Variants in EYS observed in about 807,000 individuals in gnomAD.
EYS encodes the protein EGF-like photoreceptor maintenance factor, also known as protein eyes shut homolog.
A neutral mutation model predicts 282.1 loss-of-function variants in EYS; 250 were observed. That is an observed-to-expected ratio of 0.89 (90% CI 0.80 to 0.98). The LOEUF is 0.98. EYS is among the 50% of genes least tolerant of loss of function. The pLI, the probability that EYS is intolerant of heterozygous loss-of-function variation, is 0.00. For missense variants in EYS, 4,016 were observed against 3,709.0 expected (o/e 1.08, Z -2.15); for synonymous variants, 1,355 against 1,282.9 (o/e 1.06, Z -1.20).
chr6:64,608,707 A>G (rs939304661), intron 24 of EYS, among the ~76,000 whole-genome samples: 1 of 152,214 alleles, frequency 6.6e-6, no homozygotes, highest in Non-Finnish European at 1.5e-5. Context: ...ACATCTGGAC[A>G]ATGGAACATT....
intron 1 of EYS, among the ~76,000 whole-genome samples, chr6:65,660,088 A>C (rs982647623): frequency 1.3e-5 from 2 of 150,722 alleles, no homozygotes; most frequent in African/African-American, 4.9e-5. Context: ...CTTATTAAAA[A>C]TTTATTCAGA....
Position 64,928,126 on chromosome 6 carries a change from A to T in EYS, c.2382-15383T>A, listed in dbSNP as rs368312229. ...TGTGTAATCACAATAAAAAATGTCCAAAAGCTATTGAATACCTTATGAAAA... is the reference window on the plus strand; with the variant it reads ...TGTGTAATCACAATAAAAAATGTCCTAAAGCTATTGAATACCTTATGAAAA... On this transcript the variant is annotated intron_variant, in intron 15 of 42. Coordinates refer to ENST00000503581, the MANE Select transcript of EYS (RefSeq NM_001142800.2). Among the ~76,000 whole-genome samples the T allele has an allele frequency of 2.6e-5, 4 of 152,222 alleles. No individual in the cohort carries two copies. The East Asian group carries it at 7.7e-4, about 29-fold the overall frequency.
intron 35 of EYS, among the ~76,000 whole-genome samples, chr6:63,951,297 C>A (rs1022522012): frequency 1.7e-4 from 26 of 151,990 alleles, no homozygotes; most frequent in African/African-American, 3.1e-4. Context: ...TCCAAATATC[C>A]AAAAAACGTC....
At chr6:64,853,710 T>G (rs973663436) in intron 19 of EYS, among the ~76,000 whole-genome samples, 3 of 152,054 alleles carry the variant, frequency 2.0e-5, no homozygotes, top group Non-Finnish European at 2.9e-5. Context: ...ACCTCATGTC[T>G]AAAACACCAA....
intron 12 of EYS, among the ~76,000 whole-genome samples, chr6:65,241,016 A>G (rs543775375): frequency 1.3e-3 from 204 of 152,298 alleles, no homozygotes; most frequent in Non-Finnish European, 1.9e-3. Flanking sequence ...ACATAAATAA[A>G]TGCATAAATA....
rs1170229751 is a variant in EYS, at chr6:65,057,702, A to G, written c.2049T>C (p.Asp683=). Residue 683 remains aspartate (D), a synonymous_variant, in exon 13 of 43, where the codon GAT becomes GAC. Transcript: ENST00000503581. ...TTTTGCAGGGATGTGAAGCACACTC[A>G]TCTATATCAATTTCACATTGCGTAC... ...FKGTQCEIDI[D]ECASHPCKNG... is the part of the protein sequence containing the mutation. The G allele has an allele frequency of 6.5e-7, 1 of 1,550,348 alleles. No homozygotes were observed. The highest frequency in any genetic ancestry group is 1.4e-5 in the African/African-American group (1 of 72,972).
chr6:64,290,652 G>A (rs1306338581), intron 30 of EYS, among the ~76,000 whole-genome samples: 1 of 151,796 alleles, frequency 6.6e-6, no homozygotes, highest in Non-Finnish European at 1.5e-5. Flanking sequence ...TTCTTGGTGG[G>A]GGGCTTAGAG....
At chr6:64,354,026 T>C (rs1771736907) in intron 29 of EYS, among the ~76,000 whole-genome samples, 1 of 151,622 alleles carries the variant, frequency 6.6e-6, no homozygotes, top group Non-Finnish European at 1.5e-5. Flanking sequence ...GCTTGAACAC[T>C]GCTCTTGTTG....
At chr6:63,948,248 T>C (rs2149762828) in intron 35 of EYS, among the ~76,000 whole-genome samples, 1 of 152,334 alleles carries the variant, frequency 6.6e-6, no homozygotes, top group Admixed American at 6.5e-5. Flanking sequence ...GAAGCTGCCA[T>C]TGTGTGAAGA....
intron 41 of EYS, among the ~76,000 whole-genome samples, chr6:63,730,316 A>G (rs1768750667): frequency 6.6e-6 from 1 of 152,184 alleles, no homozygotes; most frequent in South Asian, 2.1e-4. Flanking sequence ...ATCTCTTCAC[A>G]TACATTTTAT....
At chr6:65,330,182 G>C (rs1769745403) in intron 11 of EYS, 10 of 978,074 alleles carry the variant, frequency 1.0e-5, no homozygotes, top group African/African-American at 8.8e-5. Context: ...TCTTACCTAT[G>C]TATAGTACAT....
chr6:63,908,860 T>G lies in EYS; in HGVS notation c.7056-44502A>C, dbSNP rs964629844. The stretch of plus-strand genomic sequence containing the variant: ...CCTCACTTCTTCACTAAAGAGAGAA[T>G]AGGGAGTGGAAAAAGATGTTTCTGG... On this transcript the variant is annotated intron_variant, in intron 35 of 42. Coordinates refer to ENST00000503581, the MANE Select transcript of EYS (RefSeq NM_001142800.2). 3.3e-5 allele frequency among the ~76,000 whole-genome samples: 5 copies of G among 152,126 alleles called. No individual in the cohort carries two copies. In the East Asian group the frequency reaches 9.6e-4, roughly 29 times the overall value.
At position 64,518,440 on chromosome 6, in the gene EYS, G is replaced by A. The variant is rs140842646; in HGVS notation, c.5644+71783C>T. Among the ~76,000 whole-genome samples the A allele has an allele frequency of 8.9e-3, 1,356 of 151,758 alleles. 9 individuals are homozygous for A. The highest frequency in any genetic ancestry group is 0.014 in the Non-Finnish European group (954 of 67,810). On this transcript the variant is annotated intron_variant, in intron 26 of 42. Transcript: ENST00000503581. ...CTGAGTCTATGTCTGATTTCATACC[G>A]TAAGTTGAAATGTATGGTATGTATA...
chr6:64,415,675 G>A (rs1582724665), intron 28 of EYS, among the ~76,000 whole-genome samples: 1 of 152,072 alleles, frequency 6.6e-6, no homozygotes, highest in African/African-American at 2.4e-5. Context: ...TGCAAAGTGT[G>A]GGATTTTTTA....
chr6:65,424,951 G>A (rs916959705), intron 5 of EYS, among the ~76,000 whole-genome samples: 3 of 151,980 alleles, frequency 2.0e-5, no homozygotes, highest in Non-Finnish European at 4.4e-5. Flanking sequence ...GCTAGAGATT[G>A]TTTTTCTTGT....
chr6:64,990,500 T>C (rs1384047111), intron 14 of EYS, among the ~76,000 whole-genome samples: 3 of 151,662 alleles, frequency 2.0e-5, no homozygotes, highest in Non-Finnish European at 3.0e-5. Context: ...ATTTGTCTCA[T>C]AATTCTTTCA....
At chr6:65,654,787 A>T in intron 1 of EYS, among the ~76,000 whole-genome samples, 1 of 151,724 alleles carries the variant, frequency 6.6e-6, no homozygotes, top group Non-Finnish European at 1.5e-5. Context: ...GATCACCGAA[A>T]GAAATGATTT....
At chr6:65,676,386 A>G (rs1262660568) in intron 1 of EYS, among the ~76,000 whole-genome samples, 1 of 151,844 alleles carries the variant, frequency 6.6e-6, no homozygotes, top group African/African-American at 2.4e-5. Context: ...AGACATTACA[A>G]CTGATGCCAC....
intron 41 of EYS, 81 bp from the exon 42 acceptor site, chr6:63,726,761 A>G (rs1435028740): frequency 7.9e-7 from 1 of 1,265,646 alleles, no homozygotes; most frequent in African/African-American, 1.5e-5. Context: ...TAAACTGCTT[A>G]TGTAATTTTG....
Sources: allele counts gnomAD v4.1 joint callset (sites outside exome capture counted in the v4.1 genomes callset), GRCh38; gene constraint gnomAD v4.1.1; transcripts MANE v1.5; gene names NCBI Gene and HGNC (gene_info 2026-07-23, HGNC 2026-07-21).